FKBP15: variants seen among roughly 807,000 people sequenced by gnomAD.
The protein encoded by FKBP15 is FK506-binding protein 15.
A neutral mutation model predicts 158.1 loss-of-function variants in FKBP15; 106 were observed. That is an observed-to-expected ratio of 0.67 (90% CI 0.57 to 0.79). The LOEUF (loss-of-function observed/expected upper bound fraction) is 0.79, where lower values mean the gene tolerates loss of function less well. Ranked by LOEUF, FKBP15 falls within the 30% of genes least tolerant of loss-of-function variation. FKBP15 has a pLI of 0.00. For missense variants in FKBP15, 1,287 were observed against 1,479.1 expected, an observed-to-expected ratio of 0.87 and a Z score of 2.13; for synonymous variants, 547 against 548.6, an observed-to-expected ratio of 1.00 and a Z score of 0.04.
intron 4 of FKBP15, 100 bp from the exon 5 acceptor site, chr9:113,203,135 A>C: frequency 1.3e-6 from 1 of 790,278 alleles, no homozygotes; most frequent in East Asian, 2.7e-5. Context: ...TAAGTATCAA[A>C]GGTTGTGCTT....
rs748757026 is a variant in FKBP15 at position 113,206,499 on chromosome 9, G to A, written c.324+10C>T. The A allele has an allele frequency of 1.9e-6, 3 of 1,612,050 alleles. No homozygotes were observed. The highest frequency in any genetic ancestry group is 1.7e-5 in the Admixed American group (1 of 59,970). Reference sequence around the variant, plus strand: ...ATCTGAATATACATGAGATGTGGGAGCACTCTCACCTCTCTGGCTGTGTGG... The same window carrying A: ...ATCTGAATATACATGAGATGTGGGAACACTCTCACCTCTCTGGCTGTGTGG... On this transcript the variant is annotated intron_variant, in intron 4 of 27. Coordinates refer to ENST00000238256, the MANE Select transcript of FKBP15 (RefSeq NM_015258.2).
intron 7 of FKBP15, 40 bp downstream of exon 7, chr9:113,199,774 T>C (rs1830750972): frequency 6.3e-7 from 1 of 1,590,954 alleles, no homozygotes; most frequent in Non-Finnish European, 8.6e-7. Context: ...CCTCATGCTA[T>C]ATAAGTTTAC....
At chr9:113,200,105 G>T in intron 6 of FKBP15, 142 bp from the exon 7 acceptor site, 1 of 953,516 alleles carries the variant, frequency 1.0e-6, no homozygotes, top group Non-Finnish European at 1.5e-6. Context: ...ACGGAAGCCA[G>T]TTATCTTGCC....
intron 20 of FKBP15, 133 bp downstream of exon 20, chr9:113,178,497 G>C: frequency 1.2e-6 from 1 of 815,384 alleles, no homozygotes; most frequent in South Asian, 1.9e-5. Flanking sequence ...TTTTATACTA[G>C]TCTCCTTTAA....
In FKBP15 at chr9:113,184,409, G is replaced by A; in HGVS notation, c.1609-10C>T. The A allele has an allele frequency of 1.3e-6, 2 of 1,567,682 alleles. No homozygotes were observed. The highest frequency in any genetic ancestry group is 8.7e-7 in the Non-Finnish European group (1 of 1,145,552). Reference sequence around the variant, plus strand: ...TCTGTAACTCTTCAACCTACAAAAGGGATACCAGAAAGACCTTGTGAGAAA... The same window carrying A: ...TCTGTAACTCTTCAACCTACAAAAGAGATACCAGAAAGACCTTGTGAGAAA... On this transcript the variant is annotated splice_polypyrimidine_tract_variant and intron_variant, in intron 16 of 27. Coordinates refer to ENST00000238256, the MANE Select transcript of FKBP15 (RefSeq NM_015258.2). The surrounding 1 kb of genome is among the most constrained non-coding windows in gnomAD (Gnocchi z 4.5).
chr9:113,210,390 T>C (rs1273241330), intron 2 of FKBP15, among the ~76,000 whole-genome samples: 2 of 142,618 alleles, frequency 1.4e-5, no homozygotes, highest in East Asian at 2.0e-4. Flanking sequence ...TGGAGTGCAG[T>C]GGCGTGATCT....
At chr9:113,186,702 T>C in intron 14 of FKBP15, 1 of 179,560 alleles carries the variant, frequency 5.6e-6, no homozygotes, top group South Asian at 1.6e-4. Context: ...AAACTCTGCT[T>C]AGCTTCCATT....
At chr9:113,168,178 A>G (rs1436765136) in intron 27 of FKBP15, among the ~76,000 whole-genome samples, 1 of 152,212 alleles carries the variant, frequency 6.6e-6, no homozygotes, top group East Asian at 1.9e-4. Flanking sequence ...CAGCATTCCA[A>G]TGTGGGGCTA....
At chr9:113,200,493 C>T (rs1830767797) in intron 6 of FKBP15, among the ~76,000 whole-genome samples, 1 of 152,292 alleles carries the variant, frequency 6.6e-6, no homozygotes, top group Admixed American at 6.5e-5. Context: ...CCAGAATCCA[C>T]ATCAATACTA....
At chr9:113,210,164 T>A (rs1250454021) in intron 2 of FKBP15, among the ~76,000 whole-genome samples, 2 of 152,128 alleles carry the variant, frequency 1.3e-5, no homozygotes, top group African/African-American at 4.8e-5. Context: ...AAGCGCACGC[T>A]ATCTAGCTGC....
intron 6 of FKBP15, among the ~76,000 whole-genome samples, chr9:113,200,501 C>G (rs1830768043): frequency 6.6e-6 from 1 of 152,188 alleles, no homozygotes; most frequent in Non-Finnish European, 1.5e-5. Context: ...CACATCAATA[C>G]TATCTACAGA....
chr9:113,218,047 G>GACCTC (rs752917719), intron 1 of FKBP15, among the ~76,000 whole-genome samples: 1 of 151,492 alleles, frequency 6.6e-6, no homozygotes, highest in South Asian at 2.1e-4. Flanking sequence ...AGTCGCCAAG[G>GACCTC]ACCTCACCTC....
chr9:113,180,330 TTTATGTTTGC>T (rs1284241265), intron 19 of FKBP15, among the ~76,000 whole-genome samples: 1 of 152,164 alleles, frequency 6.6e-6, no homozygotes, highest in Non-Finnish European at 1.5e-5. Flanking sequence ...GGATTTATAT[TTTATGTTTGC>T]TTATCTGTAT....
rs1386979255 is a variant in FKBP15 at position 113,162,758 on chromosome 9, G to A, written c.*3320C>T. 13 of 1,611,696 alleles carry A rather than the reference G, an allele frequency of 8.1e-6. No individual in the cohort carries two copies. Among genetic ancestry groups the A allele is most frequent in the Middle Eastern group, 1.6e-4 (1 of 6,064 alleles). On this transcript the variant is annotated 3_prime_UTR_variant, in exon 28 of 28. Transcript: ENST00000238256. ...TCTCCTTTTTATCTAGGTGGTATTT[G>A]TGTCACTTTGGCCAGTCTCTAATCC...
rs535876252 is a variant in FKBP15 at position 113,198,620 on chromosome 9, C to T, written c.717+235G>A. Among the ~76,000 whole-genome samples the T allele has an allele frequency of 8.5e-5, 13 of 152,100 alleles. No homozygotes were observed. Among genetic ancestry groups the T allele is most frequent in the African/African-American group, 2.9e-4 (12 of 41,482 alleles). The stretch of plus-strand genomic sequence containing the variant: ...ATACAAAATTAGCTGGGTGTGGTGG[C>T]GCATGCCTGTAATCCCAGCTACTAG... On this transcript the variant is annotated intron_variant, in intron 8 of 27. Transcript: ENST00000238256. The surrounding 1 kb of genome is among the most constrained non-coding windows in gnomAD (Gnocchi z 5.2).
intron 1 of FKBP15, among the ~76,000 whole-genome samples, chr9:113,219,804 C>A (rs549288997): frequency 5.3e-5 from 8 of 152,114 alleles, no homozygotes; most frequent in African/African-American, 1.2e-4. Flanking sequence ...GTGAAGAATG[C>A]GAATTTAAAG....
intron 23 of FKBP15, among the ~76,000 whole-genome samples, chr9:113,172,128 T>C (rs1403482512): frequency 1.3e-5 from 2 of 152,126 alleles, no homozygotes; most frequent in Non-Finnish European, 2.9e-5. Flanking sequence ...GATAGTTTGC[T>C]GGGAGTGATG....
chr9:113,208,526 T>C (rs1019401691), intron 2 of FKBP15, among the ~76,000 whole-genome samples: 3 of 152,218 alleles, frequency 2.0e-5, no homozygotes, highest in African/African-American at 7.2e-5. Flanking sequence ...TTTTTCTGTA[T>C]TAACACTTTT....
At chr9:113,208,636 T>C (rs902634093) in intron 2 of FKBP15, among the ~76,000 whole-genome samples, 9 of 152,196 alleles carry the variant, frequency 5.9e-5, no homozygotes, top group Non-Finnish European at 1.2e-4. Context: ...CCAGTTATCT[T>C]CTTATAATAA....
Sources: gnomAD v4.1 joint callset for allele counts (sites outside exome capture counted in the v4.1 genomes callset) on GRCh38, gnomAD v4.1.1 for gene constraint, Gnocchi (gnomAD v3.1) non-coding constraint, MANE v1.5 for transcripts, NCBI Gene and HGNC (gene_info 2026-07-23, HGNC 2026-07-21) for gene names.